GRAMD1C: variants seen among roughly 807,000 people sequenced by gnomAD.
GRAMD1C encodes the protein protein Aster-C.
Under a neutral mutation model 97.8 loss-of-function variants are expected in GRAMD1C, and 89 were observed. The observed-to-expected ratio is 0.91, with a 90% confidence interval of 0.77 to 1.09. GRAMD1C has a LOEUF of 1.09. Among genes scored for constraint, GRAMD1C ranks in the 50% least tolerant of loss-of-function variants. The pLI is 0.00. For synonymous variants in GRAMD1C, 256 were observed against 267.0 expected, an observed-to-expected ratio of 0.96 and a Z score of 0.40; for missense variants, 740 against 766.4, an observed-to-expected ratio of 0.97 and a Z score of 0.41.
chr3:113,937,856 T>G (rs1409726974), intron 14 of GRAMD1C, among the ~76,000 whole-genome samples: 2 of 152,016 alleles, frequency 1.3e-5, no homozygotes, highest in African/African-American at 4.8e-5. Flanking sequence ...AATACAAAAA[T>G]TAGCTGGGCA....
Position 113,844,495 on chromosome 3 carries a change from G to A in GRAMD1C, c.28-8G>A. ...AAATAATTGACTTAGTTTGATATTT[G>A]TTTCCAGGTGATGAATGAAGGGGAT... On this transcript the variant is annotated splice_region_variant and splice_polypyrimidine_tract_variant and intron_variant, in intron 1 of 17. Transcript: ENST00000358160. 1 of 1,583,900 alleles carries A rather than the reference G, an allele frequency of 6.3e-7. No homozygotes were observed. Among genetic ancestry groups the A allele is most frequent in the Non-Finnish European group, 8.6e-7 (1 of 1,159,292 alleles).
At position 113,876,222 on chromosome 3, in the gene GRAMD1C, A is replaced by G; in HGVS notation, c.421A>G (p.Ile141Val). ...GACCAAGGAAAAAACTGCTCGACTC[A>G]TCCCAAACGCTATCCAGATAGTTAC... ...FMTKEKTARLIPNAIQIVTES... is the reference protein window; with the variant it reads ...FMTKEKTARLVPNAIQIVTES... Residue 141 changes from isoleucine (I) to valine (V), a missense_variant, in exon 5 of 18, where the codon ATC becomes GTC. By Grantham distance (29) the Ile-to-Val change is conservative. Coordinates refer to ENST00000358160, the MANE Select transcript of GRAMD1C (RefSeq NM_017577.5). 1 of 1,600,192 alleles carries G rather than the reference A, an allele frequency of 6.2e-7. No homozygotes were observed. Among genetic ancestry groups the G allele is most frequent in the Non-Finnish European group, 8.6e-7 (1 of 1,167,816 alleles).
intron 10 of GRAMD1C, among the ~76,000 whole-genome samples, chr3:113,925,889 A>G (rs1047737075): frequency 3.3e-5 from 5 of 152,224 alleles, no homozygotes; most frequent in African/African-American, 1.2e-4. Context: ...TGTTGAATAT[A>G]GGCCCTCAAG....
intron 1 of GRAMD1C, 83 bp from the exon 2 acceptor site, chr3:113,844,420 A>T (rs373447299): frequency 2.3e-6 from 2 of 878,804 alleles, no homozygotes; most frequent in Non-Finnish European, 3.7e-6. Flanking sequence ...AAATTAATGT[A>T]TATGTTGTGA....
At chr3:113,893,542 A>G (rs1158714174) in intron 6 of GRAMD1C, among the ~76,000 whole-genome samples, 2 of 152,138 alleles carry the variant, frequency 1.3e-5, no homozygotes, top group South Asian at 2.1e-4. Flanking sequence ...TTACAATTCT[A>G]TGGTCTATTT....
intron 6 of GRAMD1C, among the ~76,000 whole-genome samples, chr3:113,892,575 A>G (rs772994540): frequency 6.6e-6 from 1 of 152,256 alleles, no homozygotes; most frequent in Non-Finnish European, 1.5e-5. Flanking sequence ...TAAGTCATCC[A>G]TGTTTAGACG....
At chr3:113,904,312 G>A (rs771621710) in intron 8 of GRAMD1C, 40 bp downstream of exon 8, 2 of 1,324,520 alleles carry the variant, frequency 1.5e-6, no homozygotes, top group South Asian at 2.4e-5. Context: ...ATCTGGTACT[G>A]TCATGTCCTA....
At chr3:113,915,578 A>C (rs1191575319) in intron 9 of GRAMD1C, 123 bp from the exon 10 acceptor site, 1 of 657,652 alleles carries the variant, frequency 1.5e-6, no homozygotes, top group African/African-American at 1.8e-5. Flanking sequence ...TCCTCATTGT[A>C]ATCATATTTA....
Position 113,936,329 on chromosome 3 carries a change from C to A in GRAMD1C, c.1520C>A (p.Thr507Asn), listed in dbSNP as rs1248468192. The A allele has an allele frequency of 1.9e-6, 3 of 1,609,594 alleles. No individual in the cohort carries two copies. Among genetic ancestry groups the A allele is most frequent in the African/African-American group, 1.3e-5 (1 of 74,902 alleles). Reference sequence around the variant, plus strand: ...GCCATTGAAGACCCTGGAAAACTTACTGGCCTACGAAGGAGAAGGCGAACC... The same window carrying A: ...GCCATTGAAGACCCTGGAAAACTTAATGGCCTACGAAGGAGAAGGCGAACC... ...NQAIEDPGKL[T>N]GLRRRRRTFN... is the part of the protein sequence containing the mutation. The change falls in exon 14 of 18, where the codon ACT (threonine) becomes AAT (asparagine). Residue 507 changes from threonine to asparagine, a missense_variant. Coordinates refer to ENST00000358160, the MANE Select transcript of GRAMD1C (RefSeq NM_017577.5).
intron 5 of GRAMD1C, among the ~76,000 whole-genome samples, chr3:113,880,010 T>C (rs1164440203): frequency 6.6e-6 from 1 of 152,030 alleles, no homozygotes. Flanking sequence ...TTCATTCTTA[T>C]CTGGTTTTGA....
intron 5 of GRAMD1C, among the ~76,000 whole-genome samples, chr3:113,878,401 T>C (rs1357841253): frequency 9.9e-5 from 15 of 152,140 alleles, no homozygotes; most frequent in Admixed American, 9.8e-4. Flanking sequence ...TAGTTTCTTT[T>C]AGGGGAAACT....
Position 113,909,014 on chromosome 3 carries a change from A to G in GRAMD1C, c.846A>G (p.Pro282=). ...NEKQTKKSLL[P]TLEKKLTRVP... Reference sequence around the variant, plus strand: ...AACAGACCAAAAAGAGTCTCTTACCAACTTTGGAAAAGAAGTTAACTAGAG... The same window carrying G: ...AACAGACCAAAAAGAGTCTCTTACCGACTTTGGAAAAGAAGTTAACTAGAG... The change falls in exon 9 of 18, where the codon CCA becomes CCG. Residue 282 remains proline (P), a synonymous_variant. Transcript: ENST00000358160. 6.3e-7 allele frequency: 1 copy of G among 1,578,880 alleles called. No individual in the cohort carries two copies.
chr3:113,829,741 C>T (rs2712331), intron 1 of GRAMD1C, among the ~76,000 whole-genome samples: 9,483 of 152,014 alleles, frequency 0.062, 348 homozygotes, highest in African/African-American at 0.092. Flanking sequence ...CAAAGTCATA[C>T]GTCACTTAAC....
At chr3:113,907,829 A>G (rs1406160976) in intron 8 of GRAMD1C, among the ~76,000 whole-genome samples, 1 of 152,174 alleles carries the variant, frequency 6.6e-6, no homozygotes, top group Non-Finnish European at 1.5e-5. Flanking sequence ...TTAATTTGCA[A>G]CAAGAGGAGA....
intron 1 of GRAMD1C, among the ~76,000 whole-genome samples, chr3:113,841,768 A>G (rs979839184): frequency 6.6e-6 from 1 of 151,946 alleles, no homozygotes; most frequent in Admixed American, 6.6e-5. Context: ...TGCAATCACA[A>G]CTTACTGTGA....
chr3:113,899,193 A>G (rs549333600), intron 6 of GRAMD1C, among the ~76,000 whole-genome samples: 1 of 152,254 alleles, frequency 6.6e-6, no homozygotes, highest in South Asian at 2.1e-4. Flanking sequence ...CTTCAAAACA[A>G]ATGTTACTTA....
At chr3:113,867,085 T>TC (rs927267950) in intron 2 of GRAMD1C, among the ~76,000 whole-genome samples, 8 of 152,130 alleles carry the variant, frequency 5.3e-5, no homozygotes, top group African/African-American at 1.7e-4. Flanking sequence ...CGCCTTGGCC[T>TC]CCCAAAGTGC....
At position 113,838,931 on chromosome 3, in the gene GRAMD1C, C is replaced by A. The variant is rs773648905; in HGVS notation, c.22C>A (p.Arg8Ser). The A allele has an allele frequency of 1.8e-5, 20 of 1,108,380 alleles. No individual in the cohort carries two copies. The highest frequency in any genetic ancestry group is 4.9e-5 in the South Asian group (1 of 20,244). The allele number at this position is 1,108,380 out of a possible 1,614,324, so 68.7% of individuals were successfully genotyped here. A position where few individuals can be genotyped will look rare whatever the true frequency, so the allele number is the denominator to read the frequency against. MEGAPTV[R>S]QVMNEGDSSL... is the part of the protein sequence containing the mutation. ...CGCGATGGAGGGCGCTCCGACTGTC[C>A]GTCAGGTAAGCCGCGGGCCTCGCTG... is the stretch of plus-strand genomic sequence containing the variant. Residue 8 changes from arginine to serine, a missense_variant, in exon 1 of 18, where the codon CGT (arginine) becomes AGT (serine). Arg to Ser is a moderately radical substitution (Grantham distance 110, BLOSUM62 -1). Transcript: ENST00000358160.
intron 8 of GRAMD1C, among the ~76,000 whole-genome samples, chr3:113,907,352 G>A (rs1936407053): frequency 6.6e-6 from 1 of 152,164 alleles, no homozygotes; most frequent in African/African-American, 2.4e-5. Flanking sequence ...TTTGTGTTTT[G>A]TGTTTCTTGC....
Sources: gnomAD v4.1 joint callset for allele counts (sites outside exome capture counted in the v4.1 genomes callset) on GRCh38, gnomAD v4.1.1 for gene constraint, MANE v1.5 for transcripts, NCBI Gene and HGNC (gene_info 2026-07-23, HGNC 2026-07-21) for gene names.